DHRSX: variants seen among roughly 807,000 people sequenced by gnomAD.
The protein encoded by DHRSX is polyprenol dehydrogenase.
DHRSX carries 31 observed loss-of-function variants against 34.0 expected under a neutral mutation model. The ratio of observed to expected loss-of-function variants is 0.91; its 90% CI spans 0.69 to 1.23. DHRSX has a LOEUF of 1.23. Among genes scored for constraint, DHRSX ranks in the 50% most tolerant of loss-of-function variants. The probability of loss-of-function intolerance (pLI) is 0.00; values close to 1 mark genes in which losing one functional copy is unlikely to be tolerated. For synonymous variants in DHRSX, 201 were observed against 183.8 expected, an observed-to-expected ratio of 1.09 and a Z score of -0.76; for missense variants, 414 against 428.1, an observed-to-expected ratio of 0.97 and a Z score of 0.29.
intron 6 of DHRSX, among the ~76,000 whole-genome samples, chrX:2,232,435 G>A (rs1451962168): frequency 6.6e-6 from 1 of 151,920 alleles, no homozygotes; most frequent in Admixed American, 6.6e-5. Flanking sequence ...CCCAAAGCTG[G>A]GGCTCAATCC....
At chrX:2,230,073 G>A (rs1228736345) in intron 6 of DHRSX, among the ~76,000 whole-genome samples, 7 of 152,182 alleles carry the variant, frequency 4.6e-5, no homozygotes, top group African/African-American at 1.4e-4. Flanking sequence ...GGGTTTGCAC[G>A]TGTATATGTG....
intron 1 of DHRSX, among the ~76,000 whole-genome samples, chrX:2,434,670 C>G (rs957087919): frequency 2.0e-5 from 3 of 152,198 alleles, no homozygotes; most frequent in Non-Finnish European, 2.9e-5. Flanking sequence ...GACGCTGTCT[C>G]TTTAAAATAA....
intron 2 of DHRSX, among the ~76,000 whole-genome samples, chrX:2,411,857 A>G (rs949421217): frequency 5.9e-5 from 9 of 152,216 alleles, no homozygotes; most frequent in African/African-American, 1.9e-4. Context: ...GGGAGCATCA[A>G]AAAAAGCCAG....
chrX:2,304,061 ATGGGTGGATGGATGGATGGG>A (rs1202797641), intron 3 of DHRSX, among the ~76,000 whole-genome samples: 10 of 89,124 alleles, frequency 1.1e-4, no homozygotes, highest in South Asian at 9.6e-4. Flanking sequence ...GGATGGATGG[ATGGGTGGATGGATGGATGGG>A]TGGGTGGGTG....
intron 3 of DHRSX, among the ~76,000 whole-genome samples, chrX:2,351,402 A>C (rs894039572): frequency 3.3e-5 from 5 of 152,202 alleles, no homozygotes; most frequent in African/African-American, 1.2e-4. Context: ...ACCTGCTTAT[A>C]AATATGCCTG....
At chrX:2,495,516 A>G (rs1353587096) in intron 1 of DHRSX, among the ~76,000 whole-genome samples, 6 of 152,152 alleles carry the variant, frequency 3.9e-5, no homozygotes, top group Non-Finnish European at 7.3e-5. Flanking sequence ...AGGAGAAACA[A>G]GAAGCTCCCT....
chrX:2,316,863 G>T (rs2042246875), intron 3 of DHRSX, among the ~76,000 whole-genome samples: 2 of 152,212 alleles, frequency 1.3e-5, no homozygotes, highest in South Asian at 4.1e-4. Context: ...AGTGAGGCAA[G>T]CCTCCATTAG....
At chrX:2,362,880 T>G (rs2042950904) in intron 3 of DHRSX, among the ~76,000 whole-genome samples, 1 of 124,310 alleles carries the variant, frequency 8.0e-6, no homozygotes, top group Non-Finnish European at 1.9e-5. Context: ...CGTTCTATGA[T>G]ATCATGCCGC....
At chrX:2,475,526 A>G (rs1037590916) in intron 1 of DHRSX, among the ~76,000 whole-genome samples, 6 of 152,082 alleles carry the variant, frequency 3.9e-5, no homozygotes, top group South Asian at 2.1e-4. Flanking sequence ...TACACACTGA[A>G]GACATTCCCT....
chrX:2,425,166 A>G, intron 2 of DHRSX, 31 bp downstream of exon 2: 1 of 1,556,834 alleles, frequency 6.4e-7, no homozygotes, highest in South Asian at 1.2e-5. Context: ...CCGAAAAAAC[A>G]AAAAACACAA....
chrX:2,227,449 G>A (rs2015696913), intron 6 of DHRSX, among the ~76,000 whole-genome samples: 2 of 148,784 alleles, frequency 1.3e-5, no homozygotes, highest in Non-Finnish European at 3.0e-5. Context: ...GAGAGAGAGG[G>A]AGGGAGGCAG....
At chrX:2,403,846 A>G (rs1365483483) in intron 3 of DHRSX, among the ~76,000 whole-genome samples, 2 of 150,772 alleles carry the variant, frequency 1.3e-5, no homozygotes, top group Middle Eastern at 3.2e-3. Context: ...ACAAGAGTGA[A>G]ACTCTGTCTC....
intron 3 of DHRSX, among the ~76,000 whole-genome samples, chrX:2,294,314 C>T (rs2041904051): frequency 6.6e-6 from 1 of 152,052 alleles, no homozygotes; most frequent in African/African-American, 2.4e-5. Flanking sequence ...GAGGCGAAGG[C>T]AGGCAGATCA....
intron 3 of DHRSX, among the ~76,000 whole-genome samples, chrX:2,343,060 A>T (rs1191730463): frequency 6.6e-6 from 1 of 152,128 alleles, no homozygotes; most frequent in Non-Finnish European, 1.5e-5. Context: ...GCATAACCAG[A>T]AACATTCCAA....
chrX:2,388,442 C>T, intron 3 of DHRSX, among the ~76,000 whole-genome samples: 1 of 152,078 alleles, frequency 6.6e-6, no homozygotes, highest in Non-Finnish European at 1.5e-5. Flanking sequence ...GATGAGGACA[C>T]AGACACACAC....
At chrX:2,401,878 C>T (rs1425897352) in intron 3 of DHRSX, among the ~76,000 whole-genome samples, 1 of 152,182 alleles carries the variant, frequency 6.6e-6, no homozygotes, top group Non-Finnish European at 1.5e-5. Flanking sequence ...AATGAGCCAT[C>T]TCGCCCAGAT....
chrX:2,377,528 G>A (rs748378606), intron 3 of DHRSX, among the ~76,000 whole-genome samples: 5 of 152,226 alleles, frequency 3.3e-5, no homozygotes, highest in African/African-American at 1.2e-4. Context: ...GGAAGTGGCT[G>A]TGAACACACA....
At chrX:2,256,128 G>A (rs1216843607) in intron 5 of DHRSX, among the ~76,000 whole-genome samples, 1 of 150,118 alleles carries the variant, frequency 6.7e-6, no homozygotes, top group Non-Finnish European at 1.5e-5. Flanking sequence ...CCCAGTAGCT[G>A]GGACTACAGG....
At chrX:2,386,156 ATTAT>A (rs768572407) in intron 3 of DHRSX, among the ~76,000 whole-genome samples, 3,555 of 143,950 alleles carry the variant, frequency 0.025, 119 homozygotes, top group African/African-American at 0.079. Flanking sequence ...TAGATAATCA[ATTAT>A]TTATTTATTT....
Sources: allele counts gnomAD v4.1 joint callset (sites outside exome capture counted in the v4.1 genomes callset), GRCh38; gene constraint gnomAD v4.1.1; transcripts MANE v1.5; gene names NCBI Gene and HGNC (gene_info 2026-07-23, HGNC 2026-07-21).